The following SAMD3 variants were observed in gnomAD, a reference collection of about 807,000 sequenced individuals.
The protein encoded by SAMD3 is sterile alpha motif domain containing 3, also known as sterile alpha motif domain-containing protein 3.
In SAMD3, 63 loss-of-function variants were observed where a neutral mutation model predicts 58.5. The observed-to-expected ratio is 1.08, with a 90% confidence interval of 0.88 to 1.33. The LOEUF is 1.33. Ranked by LOEUF, SAMD3 falls within the 40% of genes most tolerant of loss-of-function variation. SAMD3 has a pLI of 0.00. For synonymous variants in SAMD3, 220 were observed against 210.3 expected (o/e 1.05, Z -0.40); for missense variants, 604 against 608.4 (o/e 0.99, Z 0.08).
At chr6:130,280,718 G>A (rs923422189) in intron 2 of SAMD3, among the ~76,000 whole-genome samples, 19 of 152,112 alleles carry the variant, frequency 1.2e-4, no homozygotes, top group African/African-American at 3.9e-4. Context: ...CATTGCAGTC[G>A]TAAACTCCTT....
chr6:130,290,036 G>GT (rs77656275), intron 2 of SAMD3, among the ~76,000 whole-genome samples: 42,299 of 151,920 alleles, frequency 0.28, 6,352 homozygotes, highest in East Asian at 0.45. Flanking sequence ...AATAATGCTT[G>GT]TTTTACCTGG....
At chr6:130,317,032 C>T (rs1029185546) in intron 1 of SAMD3, among the ~76,000 whole-genome samples, 1 of 152,166 alleles carries the variant, frequency 6.6e-6, no homozygotes, top group Non-Finnish European at 1.5e-5. Flanking sequence ...GACTCCTGGT[C>T]TGTGGATTTT....
intron 11 of SAMD3, 61 bp downstream of exon 11, chr6:130,145,279 A>G (rs1788519333): frequency 1.3e-6 from 1 of 758,938 alleles, no homozygotes; most frequent in African/African-American, 1.8e-5. Context: ...TAAATAAATA[A>G]TATAAATAAT....
At chr6:130,346,284 C>T (rs1329863553) in intron 1 of SAMD3, among the ~76,000 whole-genome samples, 1 of 152,210 alleles carries the variant, frequency 6.6e-6, no homozygotes, top group Admixed American at 6.5e-5. Flanking sequence ...ATCGCCTCCC[C>T]TGGGAAGTGC....
At chr6:130,334,899 C>A (rs1474453409) in intron 1 of SAMD3, among the ~76,000 whole-genome samples, 2 of 152,074 alleles carry the variant, frequency 1.3e-5, no homozygotes, top group Non-Finnish European at 2.9e-5. Flanking sequence ...GTAGACAAAT[C>A]TGTTACCAGC....
chr6:130,241,202 C>T (rs1007592400), intron 2 of SAMD3, among the ~76,000 whole-genome samples: 5 of 143,602 alleles, frequency 3.5e-5, no homozygotes, highest in African/African-American at 8.0e-5. Flanking sequence ...TGTACTTAAA[C>T]CTCCTTTTTT....
rs1222291778 is a variant in SAMD3 at position 130,213,916 on chromosome 6, T to G, written c.269+421A>C. On this transcript the variant is annotated intron_variant, in intron 4 of 11. Coordinates refer to ENST00000439090, the MANE Select transcript of SAMD3 (RefSeq NM_001017373.4). ...CTAGAGAAGACTATAAATTCATTAC[T>G]CTAAGAAATCCTAGGAAAATAAATA... is the stretch of plus-strand genomic sequence containing the variant. Among the ~76,000 whole-genome samples, 3 of 152,258 alleles carry G rather than the reference T, an allele frequency of 2.0e-5. 1 individual carries two copies. The South Asian group carries it at 6.2e-4, about 32-fold the overall frequency.
chr6:130,147,638 C>G (rs1383712952), intron 9 of SAMD3, among the ~76,000 whole-genome samples: 1 of 152,184 alleles, frequency 6.6e-6, no homozygotes, highest in Non-Finnish European at 1.5e-5. Context: ...TCCTTAATAC[C>G]TCATTGTGTA....
intron 5 of SAMD3, among the ~76,000 whole-genome samples, chr6:130,203,777 G>A (rs989589938): frequency 3.3e-5 from 5 of 152,166 alleles, no homozygotes; most frequent in African/African-American, 1.2e-4. Flanking sequence ...AGGAATTGAG[G>A]AGTAGGAATT....
intron 2 of SAMD3, among the ~76,000 whole-genome samples, chr6:130,300,393 T>TAA (rs34482387): frequency 6.6e-6 from 1 of 151,988 alleles, no homozygotes; most frequent in Non-Finnish European, 1.5e-5. Context: ...AAGCATTTGA[T>TAA]AAAAAAATCC....
chr6:130,264,461 T>C (rs959681567), intron 2 of SAMD3, among the ~76,000 whole-genome samples: 14 of 152,210 alleles, frequency 9.2e-5, no homozygotes, highest in African/African-American at 2.7e-4. Context: ...GTGGTGGACC[T>C]TTACTGGGCA....
intron 2 of SAMD3, among the ~76,000 whole-genome samples, chr6:130,281,075 T>C (rs927839416): frequency 8.7e-4 from 133 of 152,226 alleles, no homozygotes; most frequent in African/African-American, 3.0e-3. Context: ...AATAATAAAA[T>C]AGAACAATTA....
intron 2 of SAMD3, among the ~76,000 whole-genome samples, chr6:130,277,221 T>C (rs1410538829): frequency 6.6e-6 from 1 of 152,234 alleles, no homozygotes; most frequent in East Asian, 1.9e-4. Flanking sequence ...TGGCCTTTCA[T>C]TAGTTTTACA....
chr6:130,266,957 T>C (rs12200943), intron 2 of SAMD3, among the ~76,000 whole-genome samples: 47,245 of 152,052 alleles, frequency 0.31, 7,717 homozygotes, highest in East Asian at 0.47. Flanking sequence ...AATCATATTG[T>C]TGCAAGCTGT....
At chr6:130,200,183 C>G (rs989052525) in intron 5 of SAMD3, among the ~76,000 whole-genome samples, 7 of 152,006 alleles carry the variant, frequency 4.6e-5, no homozygotes, top group African/African-American at 1.7e-4. Flanking sequence ...GAAACTCAGC[C>G]CTTTATCTTA....
intron 8 of SAMD3, among the ~76,000 whole-genome samples, chr6:130,172,702 G>A (rs1037607599): frequency 6.6e-6 from 1 of 152,094 alleles, no homozygotes; most frequent in South Asian, 2.1e-4. Context: ...CTCTTCTTGA[G>A]GAGTATCTTA....
intron 1 of SAMD3, among the ~76,000 whole-genome samples, chr6:130,324,665 C>T (rs1776696291): frequency 6.6e-6 from 1 of 151,842 alleles, no homozygotes; most frequent in Non-Finnish European, 1.5e-5. Flanking sequence ...GGGAAGAAGC[C>T]GAAAGATCTG....
chr6:130,168,082 C>T (rs1262263421), intron 8 of SAMD3, among the ~76,000 whole-genome samples: 1 of 152,154 alleles, frequency 6.6e-6, no homozygotes, highest in Non-Finnish European at 1.5e-5. Context: ...TCTGCTCAGA[C>T]CTGCAGAAGT....
At chr6:130,286,170 C>T (rs1313914850) in intron 2 of SAMD3, 3 of 152,228 alleles carry the variant, frequency 2.0e-5, no homozygotes, top group African/African-American at 7.2e-5. Context: ...AGAAGCCAGG[C>T]TCTTACCTGC....
Sources: gnomAD v4.1 joint callset for allele counts (sites outside exome capture counted in the v4.1 genomes callset) on GRCh38, gnomAD v4.1.1 for gene constraint, MANE v1.5 for transcripts, NCBI Gene and HGNC (gene_info 2026-07-23, HGNC 2026-07-21) for gene names.